The following SLC6A9 variants were observed in gnomAD, a reference collection of about 807,000 sequenced individuals.
The protein encoded by SLC6A9 is sodium- and chloride-dependent glycine transporter 1.
Under a neutral mutation model 70.9 loss-of-function variants are expected in SLC6A9, and 31 were observed. The observed-to-expected ratio is 0.44, with a 90% confidence interval of 0.33 to 0.59. SLC6A9 has a LOEUF of 0.59. Among genes scored for constraint, SLC6A9 ranks in the 20% least tolerant of loss-of-function variants. The probability of loss-of-function intolerance (pLI) is 0.04; values close to 1 mark genes in which losing one functional copy is unlikely to be tolerated. For synonymous variants in SLC6A9, 310 were observed against 341.3 expected, an observed-to-expected ratio of 0.91 and a Z score of 1.01; for missense variants, 631 against 845.2, an observed-to-expected ratio of 0.75 and a Z score of 3.14.
At chr1:44,029,329 G>A (rs1242545564) in intron 1 of SLC6A9, among the ~76,000 whole-genome samples, 1 of 152,168 alleles carries the variant, frequency 6.6e-6, no homozygotes, top group Non-Finnish European at 1.5e-5. Flanking sequence ...TCACTGTGTT[G>A]GAGGAAGTGG....
intron 2 of SLC6A9, chr1:44,016,912 GGT>G: frequency 1.2e-6 from 1 of 852,524 alleles, no homozygotes; most frequent in Non-Finnish European, 1.7e-6. Flanking sequence ...CACTTTGGCT[GGT>G]GTCTGTCTTG....
Position 43,997,559 on chromosome 1 carries a change from C to G in SLC6A9, c.1888G>C (p.Asp630His), listed in dbSNP as rs779611274. 2 of 1,613,470 alleles carry G rather than the reference C, an allele frequency of 1.2e-6. No individual in the cohort carries two copies. The highest frequency in any genetic ancestry group is 4.5e-5 in the East Asian group (2 of 44,860). The change falls in exon 14 of 14, where the codon GAC (aspartate) becomes CAC (histidine). Residue 630 changes from aspartate (D) to histidine (H), a missense_variant. Coordinates refer to ENST00000372310, the MANE Select transcript of SLC6A9 (RefSeq NM_001024845.3). This position sits in a 1 kb window ranked among gnomAD's most constrained non-coding sequence, Gnocchi z 4.4. ...GGCAGCTGTGCTCATATCCGGGAGT[C>G]CTGGAGGCGGCTGGAGCCATTACTG... Reference protein sequence around the residue: ...VGSNGSSRLQDSRI With the variant: ...VGSNGSSRLQHSRI
At chr1:44,008,268 A>G (rs2086393876) in intron 5 of SLC6A9, 85 bp downstream of exon 5, 1 of 1,382,164 alleles carries the variant, frequency 7.2e-7, no homozygotes, top group African/African-American at 1.4e-5. Context: ...TGCAGCAGGC[A>G]CCCTACTTTG....
At chr1:44,023,188 G>A (rs958760317) in intron 2 of SLC6A9, among the ~76,000 whole-genome samples, 1 of 152,204 alleles carries the variant, frequency 6.6e-6, no homozygotes, top group Non-Finnish European at 1.5e-5. Flanking sequence ...CTCAGTCCCA[G>A]GTCCCCACCC....
At position 44,002,167 on chromosome 1, in the gene SLC6A9, A is replaced by G. The variant is rs1557670617; in HGVS notation, c.962+146T>C. Reference sequence around the variant, plus strand: ...CCTAAACCTCTCTCCTCATTCTCCAACAACTTTATCCAGAACCAGTATTCC... The same window carrying G: ...CCTAAACCTCTCTCCTCATTCTCCAGCAACTTTATCCAGAACCAGTATTCC... On this transcript the variant is annotated intron_variant, in intron 8 of 13. Coordinates refer to ENST00000372310, the MANE Select transcript of SLC6A9 (RefSeq NM_001024845.3). The surrounding 1 kb of genome is among the most constrained non-coding windows in gnomAD (Gnocchi z 5.5). The G allele has an allele frequency of 3.1e-6, 2 of 652,724 alleles. No homozygotes were observed. Among genetic ancestry groups the G allele is most frequent in the Non-Finnish European group, 5.6e-6 (2 of 355,534 alleles). The allele number at this position is 652,724 out of a possible 1,614,324, so 40.4% of individuals were successfully genotyped here.
At position 44,002,301 on chromosome 1, in the gene SLC6A9, G is replaced by C. The variant is rs772884932; in HGVS notation, c.962+12C>G. On this transcript the variant is annotated intron_variant, in intron 8 of 13. Coordinates refer to ENST00000372310, the MANE Select transcript of SLC6A9 (RefSeq NM_001024845.3). This position sits in a 1 kb window ranked among gnomAD's most constrained non-coding sequence, Gnocchi z 5.5. ...GGAAGGGGGCAGCCTCAGCCCAGCA[G>C]GGAGCACTCACCGGTAACAGTTATT... is the stretch of plus-strand genomic sequence containing the variant. 6.3e-7 allele frequency: 1 copy of C among 1,596,646 alleles called. No individual in the cohort carries two copies. The highest frequency in any genetic ancestry group is 1.1e-5 in the South Asian group (1 of 90,678).
At chr1:44,004,289 C>A (rs570672498) in intron 5 of SLC6A9, among the ~76,000 whole-genome samples, 2 of 152,090 alleles carry the variant, frequency 1.3e-5, no homozygotes, top group South Asian at 2.1e-4. Context: ...AGCCACCACG[C>A]CTGGCCTGAA....
chr1:44,024,097 T>C, intron 2 of SLC6A9, 151 bp downstream of exon 2: 1 of 782,012 alleles, frequency 1.3e-6, no homozygotes, highest in Non-Finnish European at 2.3e-6. Context: ...ACCTGCTAGA[T>C]GAGGGGCTAC....
At chr1:44,026,392 C>G (rs1237329796) in intron 1 of SLC6A9, among the ~76,000 whole-genome samples, 1 of 152,160 alleles carries the variant, frequency 6.6e-6, no homozygotes, top group African/African-American at 2.4e-5. Context: ...GAAGCAGTGG[C>G]TCACGGCTGT....
intron 5 of SLC6A9, among the ~76,000 whole-genome samples, chr1:44,004,565 C>T (rs1184067721): frequency 6.6e-6 from 1 of 152,020 alleles, no homozygotes. Context: ...AGGCTGGTCT[C>T]GAATGCCTGG....
At chr1:43,999,805 C>T (rs146291685) in intron 12 of SLC6A9, among the ~76,000 whole-genome samples, 71 of 152,298 alleles carry the variant, frequency 4.7e-4, no homozygotes, top group Non-Finnish European at 8.4e-4. Context: ...TGGCTCTGAA[C>T]ACTGGCCGGG....
At chr1:44,012,230 C>G (rs1042992317) in intron 2 of SLC6A9, among the ~76,000 whole-genome samples, 1 of 152,260 alleles carries the variant, frequency 6.6e-6, no homozygotes, top group Non-Finnish European at 1.5e-5. Flanking sequence ...CTATCAGACC[C>G]TGATGCTGAT....
At chr1:44,019,458 C>T (rs1283706792) in intron 2 of SLC6A9, among the ~76,000 whole-genome samples, 1 of 152,274 alleles carries the variant, frequency 6.6e-6, no homozygotes, top group Non-Finnish European at 1.5e-5. Flanking sequence ...ACACACTCCC[C>T]TGACTTCCCA....
chr1:44,010,466 G>A (rs960626512), intron 3 of SLC6A9: 3 of 236,122 alleles, frequency 1.3e-5, no homozygotes, highest in East Asian at 8.6e-5. Flanking sequence ...CGGGGGGGGG[G>A]GGGGGTTAGG....
chr1:44,018,086 G>A lies in SLC6A9; in HGVS notation c.30+6162C>T, dbSNP rs1431511129. ...CCTCAGACCAGTGGCTCGGAAGGTGGGCATATGCATTCCGGTGCCAGGAAT... is the reference window on the plus strand; with the variant it reads ...CCTCAGACCAGTGGCTCGGAAGGTGAGCATATGCATTCCGGTGCCAGGAAT... On this transcript the variant is annotated intron_variant, in intron 2 of 13. Coordinates refer to ENST00000372310, the MANE Select transcript of SLC6A9 (RefSeq NM_001024845.3). This position sits in a 1 kb window ranked among gnomAD's most constrained non-coding sequence, Gnocchi z 4.2. Among the ~76,000 whole-genome samples, 1 of 152,194 alleles carries A rather than the reference G, an allele frequency of 6.6e-6. No individual in the cohort carries two copies. The highest frequency in any genetic ancestry group is 2.4e-5 in the African/African-American group (1 of 41,448).
intron 5 of SLC6A9, among the ~76,000 whole-genome samples, chr1:44,004,017 C>G (rs1438299619): frequency 9.3e-5 from 14 of 150,460 alleles, no homozygotes; most frequent in Admixed American, 5.3e-4. Flanking sequence ...TTTTTTTTGA[C>G]ACAGTCTTGC....
chr1:44,028,416 A>G (rs2087021336), intron 1 of SLC6A9, among the ~76,000 whole-genome samples: 6 of 152,204 alleles, frequency 3.9e-5, no homozygotes, highest in Admixed American at 3.9e-4. Flanking sequence ...GTGTGGAGAA[A>G]GGACTGGAGG....
At position 44,000,835 on chromosome 1, in the gene SLC6A9, T is replaced by C. The variant is rs1334783957; in HGVS notation, c.1468A>G (p.Met490Val). ...AAGAGGGGTGGTGGGAATCCCAGCATCATCTGGATGTCCTGGAAGTAGTTC... is the reference window on the plus strand; with the variant it reads ...AAGAGGGGTGGTGGGAATCCCAGCACCATCTGGATGTCCTGGAAGTAGTTC... ...HRNYFQDIQM[M>V]LGFPPPLFFQ... is the part of the protein sequence containing the mutation. Residue 490 changes from methionine to valine, a missense_variant, in exon 12 of 14, where the codon ATG becomes GTG. Transcript: ENST00000372310. 1 of 1,611,706 alleles carries C rather than the reference T, an allele frequency of 6.2e-7. No homozygotes were observed. The highest frequency in any genetic ancestry group is 1.7e-5 in the Admixed American group (1 of 59,634).
intron 2 of SLC6A9, chr1:44,014,484 T>C (rs2086676543): frequency 6.6e-6 from 1 of 151,912 alleles, no homozygotes; most frequent in Admixed American, 6.6e-5. Flanking sequence ...CCTCAGATGT[T>C]CCCTTACCCT....
Sources: gnomAD v4.1 joint callset for allele counts (sites outside exome capture counted in the v4.1 genomes callset) on GRCh38, gnomAD v4.1.1 for gene constraint, Gnocchi (gnomAD v3.1) non-coding constraint, MANE v1.5 for transcripts, NCBI Gene and HGNC (gene_info 2026-07-23, HGNC 2026-07-21) for gene names.